The following NCOR1 variants were observed in gnomAD, a reference collection of about 807,000 sequenced individuals.
NCOR1 encodes the protein nuclear receptor corepressor 1, also known as protein phosphatase 1, regulatory subunit 109.
NCOR1 carries 63 observed loss-of-function variants against 288.1 expected under a neutral mutation model. That is an observed-to-expected ratio of 0.22 (90% CI 0.18 to 0.27). The LOEUF (loss-of-function observed/expected upper bound fraction) is 0.27, where lower values mean the gene tolerates loss of function less well. Ranked by LOEUF, NCOR1 falls within the 10% of genes least tolerant of loss-of-function variation. The probability of loss-of-function intolerance (pLI) is 1.00; values close to 1 mark genes in which losing one functional copy is unlikely to be tolerated. For synonymous variants in NCOR1, 1,007 were observed against 1,065.9 expected (o/e 0.94, Z 1.08); for missense variants, 2,397 against 3,019.2 (o/e 0.79, Z 4.83).
chr17:16,165,788 C>T (rs1292129847), intron 4 of NCOR1, among the ~76,000 whole-genome samples: 1 of 152,198 alleles, frequency 6.6e-6, no homozygotes, highest in Admixed American at 6.5e-5. Context: ...AGAGCTGTAG[C>T]AGAATGAAAG....
chr17:16,139,417 C>T (rs2076857894), intron 11 of NCOR1, among the ~76,000 whole-genome samples: 1 of 152,100 alleles, frequency 6.6e-6, no homozygotes, highest in Non-Finnish European at 1.5e-5. Flanking sequence ...TAATCTACTC[C>T]TTTGAGAAGA....
At chr17:16,106,854 CATAT>C (rs1162344281) in intron 19 of NCOR1, among the ~76,000 whole-genome samples, 4,211 of 46,154 alleles carry the variant, frequency 0.091, 347 homozygotes, top group Middle Eastern at 0.17. Flanking sequence ...CTTGATCAGA[CATAT>C]ATATATATAT....
chr17:16,053,362 G>C (rs1364016522), intron 40 of NCOR1, among the ~76,000 whole-genome samples: 2 of 152,108 alleles, frequency 1.3e-5, no homozygotes, highest in African/African-American at 4.8e-5. Context: ...ATACATCAGT[G>C]TGCAAAAAAT....
chr17:16,157,222 C>T (rs2079961365), intron 6 of NCOR1, among the ~76,000 whole-genome samples: 2 of 152,110 alleles, frequency 1.3e-5, no homozygotes, highest in African/African-American at 2.4e-5. Flanking sequence ...GGAACACAGC[C>T]CCCATCTTAG....
chr17:16,044,420 C>T (rs1274405268), intron 42 of NCOR1: 3 of 471,346 alleles, frequency 6.4e-6, no homozygotes, highest in Non-Finnish European at 1.3e-5. Flanking sequence ...CAGTGCAAGG[C>T]CCCCACTTTC....
In NCOR1 at chr17:16,046,976, G is replaced by A. The variant is rs934351084; in HGVS notation, c.6654C>T (p.Ser2218=). The A allele has an allele frequency of 6.2e-7, 1 of 1,613,882 alleles. No individual in the cohort carries two copies. The highest frequency in any genetic ancestry group is 8.5e-7 in the Non-Finnish European group (1 of 1,179,942). The change falls in exon 42 of 46, where the codon TCC becomes TCT. Residue 2218 remains serine, a synonymous_variant. Transcript: ENST00000268712. ...CCATATCAGAGTCACCTCCACCAGA[G>A]GAGTTCAACTTACGAAAAATCTCCT... ...KKQEIFRKLN[S]SGGGDSDMAA...
At chr17:16,206,587 T>C (rs758016715) in intron 1 of NCOR1, among the ~76,000 whole-genome samples, 12 of 152,190 alleles carry the variant, frequency 7.9e-5, no homozygotes, top group Non-Finnish European at 1.3e-4. Context: ...GGTTTCACCA[T>C]GTTGGCCAGG....
intron 26 of NCOR1, among the ~76,000 whole-genome samples, chr17:16,076,396 AG>A (rs2062452751): frequency 6.6e-6 from 1 of 152,250 alleles, no homozygotes; most frequent in Admixed American, 6.5e-5. Flanking sequence ...AGTTTTACAA[AG>A]GAAACAAGAG....
chr17:16,036,373 A>G (rs2056370185), intron 44 of NCOR1, among the ~76,000 whole-genome samples: 1 of 152,216 alleles, frequency 6.6e-6, no homozygotes, highest in Non-Finnish European at 1.5e-5. Context: ...GAGTAGACCA[A>G]GCATAATTCT....
At chr17:16,065,148 T>C in intron 33 of NCOR1, 129 bp from the exon 34 acceptor site, 1 of 866,890 alleles carries the variant, frequency 1.2e-6, no homozygotes, top group East Asian at 2.7e-5. Context: ...AAATGTTTAC[T>C]ATCATCATTA....
At chr17:16,108,709 T>C in intron 19 of NCOR1, 77 bp downstream of exon 19, 1 of 1,335,778 alleles carries the variant, frequency 7.5e-7, no homozygotes, top group Non-Finnish European at 1.0e-6. Flanking sequence ...ATGAAGCAAC[T>C]CCTACACAGT....
chr17:16,163,694 G>A (rs554399908), intron 5 of NCOR1, among the ~76,000 whole-genome samples: 8 of 152,044 alleles, frequency 5.3e-5, no homozygotes, highest in South Asian at 2.1e-4. Flanking sequence ...ACACAAAAAC[G>A]AGTACATGAA....
chr17:16,110,470 G>A (rs766746839), intron 18 of NCOR1, among the ~76,000 whole-genome samples: 2 of 152,008 alleles, frequency 1.3e-5, no homozygotes, highest in East Asian at 1.9e-4. Flanking sequence ...TACTGGGGTC[G>A]CATATACGTA....
chr17:16,152,032 GT>G, intron 7 of NCOR1, 34 bp from the exon 8 acceptor site: 1 of 1,395,722 alleles, frequency 7.2e-7, no homozygotes, highest in Non-Finnish European at 1.0e-6. Flanking sequence ...TGTATAAAAT[GT>G]TGTACATATG....
Position 16,047,085 on chromosome 17 carries a change from G to C in NCOR1, c.6545C>G (p.Ala2182Gly). The change falls in exon 42 of 46, where the codon GCC becomes GGC. Residue 2182 changes from alanine to glycine, a missense_variant. Physicochemically the swap from Ala to Gly is moderately conservative, Grantham distance 60. Transcript: ENST00000268712. ...GTAGCTTATACTCCCTGGTGAGCGGGCATCATTCCTGTTAGGGCCAAAGTT... is the reference window on the plus strand; with the variant it reads ...GTAGCTTATACTCCCTGGTGAGCGGCCATCATTCCTGTTAGGGCCAAAGTT... The part of the protein sequence containing the change: ...GAEPAEQRND[A>G]RSPGSISYLP... 1 of 1,611,590 alleles carries C rather than the reference G, an allele frequency of 6.2e-7. No homozygotes were observed. The highest frequency in any genetic ancestry group is 8.5e-7 in the Non-Finnish European group (1 of 1,178,928).
At chr17:16,087,718 A>AG (rs1453930650) in intron 22 of NCOR1, among the ~76,000 whole-genome samples, 1 of 152,232 alleles carries the variant, frequency 6.6e-6, no homozygotes, top group Non-Finnish European at 1.5e-5. Flanking sequence ...CAAGTCTTAT[A>AG]ATTAGCCTGT....
At chr17:16,130,481 G>A (rs868438987) in intron 14 of NCOR1, among the ~76,000 whole-genome samples, 3 of 152,084 alleles carry the variant, frequency 2.0e-5, no homozygotes, top group African/African-American at 7.2e-5. Context: ...TCGTTGTCCA[G>A]GTTTTTCCTT....
At chr17:16,034,493 A>T (rs552765289) in intron 45 of NCOR1, among the ~76,000 whole-genome samples, 112 of 152,224 alleles carry the variant, frequency 7.4e-4, no homozygotes, top group African/African-American at 2.6e-3. Context: ...CTGTAGTCCC[A>T]GCTACTTGGG....
intron 28 of NCOR1, among the ~76,000 whole-genome samples, 175 bp downstream of exon 28, chr17:16,073,254 T>C (rs910471867): frequency 1.2e-4 from 19 of 152,194 alleles, no homozygotes; most frequent in African/African-American, 4.3e-4. Context: ...TATACAGATA[T>C]AAACTTAATA....
Sources: gnomAD v4.1 joint callset for allele counts (sites outside exome capture counted in the v4.1 genomes callset) on GRCh38, gnomAD v4.1.1 for gene constraint, MANE v1.5 for transcripts, NCBI Gene and HGNC (gene_info 2026-07-23, HGNC 2026-07-21) for gene names.